Variants in IHO1 observed in about 807,000 individuals in gnomAD.
The protein encoded by IHO1 is interactor of HORMAD1 protein 1.
A neutral mutation model predicts 31.0 loss-of-function variants in IHO1; 13 were observed. The ratio of observed to expected loss-of-function variants is 0.42; its 90% CI spans 0.27 to 0.67. IHO1 has a LOEUF of 0.67. Among genes scored for constraint, IHO1 ranks in the 30% least tolerant of loss-of-function variants. The pLI, the probability that IHO1 is intolerant of heterozygous loss-of-function variation, is 0.24. For synonymous variants in IHO1, 221 were observed against 248.4 expected (o/e 0.89, Z 1.04); for missense variants, 599 against 687.5 (o/e 0.87, Z 1.44).
chr3:49,241,615 A>G (rs2046632575), intron 4 of IHO1, among the ~76,000 whole-genome samples: 1 of 151,310 alleles, frequency 6.6e-6, no homozygotes, highest in South Asian at 2.1e-4. Flanking sequence ...AGGGAGAGAG[A>G]GAATTATAGA....
At chr3:49,206,999 G>C (rs902170730) in intron 1 of IHO1, among the ~76,000 whole-genome samples, 1 of 139,746 alleles carries the variant, frequency 7.2e-6, no homozygotes, top group Middle Eastern at 3.6e-3. Context: ...AGTGAGCCGA[G>C]ATCGTGCCAT....
In IHO1 at chr3:49,236,534, T is replaced by C. The variant is rs748388667; in HGVS notation, c.57-14T>C. ...ATTTGTCTATTTGATACACTTTTTTTTGCTAAATTTCAGGAACAAGAAGTC... is the reference window on the plus strand; with the variant it reads ...ATTTGTCTATTTGATACACTTTTTTCTGCTAAATTTCAGGAACAAGAAGTC... On this transcript the variant is annotated splice_polypyrimidine_tract_variant and intron_variant, in intron 2 of 7. Transcript: ENST00000452691. The C allele has an allele frequency of 2.5e-6, 4 of 1,578,786 alleles. No homozygotes were observed. The East Asian group carries it at 9.0e-5, about 35-fold the overall frequency.
intron 3 of IHO1, among the ~76,000 whole-genome samples, chr3:49,237,328 T>C (rs1387169583): frequency 6.6e-6 from 1 of 152,102 alleles, no homozygotes; most frequent in African/African-American, 2.4e-5. Context: ...TCCTGGGAGA[T>C]AGAGCATGAC....
At chr3:49,215,809 C>CT (rs2046280250) in intron 2 of IHO1, among the ~76,000 whole-genome samples, 1 of 152,128 alleles carries the variant, frequency 6.6e-6, no homozygotes, top group Admixed American at 6.6e-5. Context: ...TTATTTGATA[C>CT]TTTTTTGAGA....
intron 2 of IHO1, among the ~76,000 whole-genome samples, chr3:49,223,276 G>A (rs1335121119): frequency 6.6e-6 from 1 of 152,152 alleles, no homozygotes; most frequent in Admixed American, 6.5e-5. Context: ...GTTTCCTTAA[G>A]TGCTTTTTGA....
intron 5 of IHO1, 27 bp from the exon 6 acceptor site, chr3:49,244,619 A>G: frequency 6.3e-7 from 1 of 1,596,986 alleles, no homozygotes; most frequent in South Asian, 1.1e-5. Flanking sequence ...TAGCCTGTGA[A>G]TTATTTCATA....
chr3:49,220,983 G>C (rs1007529854), intron 2 of IHO1, among the ~76,000 whole-genome samples: 2 of 152,256 alleles, frequency 1.3e-5, no homozygotes, highest in South Asian at 2.1e-4. Context: ...CCAGTGGCCA[G>C]CATTTATTCC....
chr3:49,241,870 C>A (rs1041386818), intron 4 of IHO1, among the ~76,000 whole-genome samples: 1 of 150,460 alleles, frequency 6.6e-6, no homozygotes, highest in African/African-American at 2.4e-5. Context: ...ATCCACCCAT[C>A]TCAGCCTCCC....
At chr3:49,246,564 C>T (rs1399886887) in intron 6 of IHO1, among the ~76,000 whole-genome samples, 3 of 152,052 alleles carry the variant, frequency 2.0e-5, no homozygotes, top group African/African-American at 7.2e-5. Flanking sequence ...AGGAGAATCG[C>T]TTGAACCCAG....
chr3:49,193,244 C>T, the IHO1 span, among the ~76,000 whole-genome samples: 7 of 151,508 alleles, frequency 4.6e-5, no homozygotes, highest in South Asian at 8.4e-4. Context: ...TGGTGGCACA[C>T]GCCTGCGGTC....
At chr3:49,195,966 G>T (rs1295964612), upstream of IHO1, among the ~76,000 whole-genome samples, 2 of 150,484 alleles carry the variant, frequency 1.3e-5, no homozygotes, top group Non-Finnish European at 3.0e-5. Context: ...CCAGGTGTGG[G>T]GGCTCATGCC....
chr3:49,216,115 T>A (rs2046283310), intron 2 of IHO1, among the ~76,000 whole-genome samples: 1 of 152,184 alleles, frequency 6.6e-6, no homozygotes, highest in African/African-American at 2.4e-5. Context: ...AATTTAACAT[T>A]TGATAAAGGA....
intron 6 of IHO1, among the ~76,000 whole-genome samples, chr3:49,253,186 G>T (rs1470382026): frequency 2.0e-5 from 3 of 152,160 alleles, no homozygotes; most frequent in Non-Finnish European, 4.4e-5. Flanking sequence ...AGCACTTTGG[G>T]AGGCTGAGGC....
At chr3:49,235,601 A>G (rs1310931579) in intron 2 of IHO1, among the ~76,000 whole-genome samples, 1 of 152,024 alleles carries the variant, frequency 6.6e-6, no homozygotes, top group Admixed American at 6.5e-5. Context: ...TTATTTATCT[A>G]TTTTAATGAT....
intron 3 of IHO1, among the ~76,000 whole-genome samples, chr3:49,239,958 G>A (rs2046609836): frequency 6.6e-6 from 1 of 152,114 alleles, no homozygotes; most frequent in Non-Finnish European, 1.5e-5. Flanking sequence ...ACTGTGCCCA[G>A]CCTGGGCTCA....
chr3:49,194,818 C>T (rs1470198291), upstream of IHO1, among the ~76,000 whole-genome samples: 1 of 151,726 alleles, frequency 6.6e-6, no homozygotes, highest in Non-Finnish European at 1.5e-5. Flanking sequence ...ATTGCTTGAC[C>T]CCGGGAGGGC....
intron 2 of IHO1, among the ~76,000 whole-genome samples, chr3:49,214,289 G>A (rs974525818): frequency 6.6e-6 from 1 of 151,964 alleles, no homozygotes; most frequent in Non-Finnish European, 1.5e-5. Flanking sequence ...AGATTAAGAG[G>A]CACTCTAGGT....
chr3:49,255,977 G>T (rs1284662713), intron 7 of IHO1, among the ~76,000 whole-genome samples, 157 bp from the exon 8 acceptor site: 1 of 152,034 alleles, frequency 6.6e-6, no homozygotes, highest in Non-Finnish European at 1.5e-5. Flanking sequence ...GGCCCCAGGG[G>T]TTCAACTCCC....
intron 1 of IHO1, among the ~76,000 whole-genome samples, chr3:49,202,083 T>A (rs1224843964): frequency 6.6e-6 from 1 of 152,166 alleles, no homozygotes; most frequent in African/African-American, 2.4e-5. Flanking sequence ...AGGGCTGTAG[T>A]AGTAAATAAA....
Sources: allele counts gnomAD v4.1 joint callset (sites outside exome capture counted in the v4.1 genomes callset), GRCh38; gene constraint gnomAD v4.1.1; transcripts MANE v1.5; gene names NCBI Gene and HGNC (gene_info 2026-07-23, HGNC 2026-07-21).